Variants in RBFOX1 observed in about 807,000 individuals in gnomAD.
RBFOX1 encodes RNA binding fox-1 homolog 1, also known as RNA binding protein fox-1 homolog 1.
Under a neutral mutation model 57.7 loss-of-function variants are expected in RBFOX1, and 8 were observed. The observed-to-expected ratio is 0.14, with a 90% CI of 0.08 to 0.25. RBFOX1 has a LOEUF of 0.25. Ranked by LOEUF, RBFOX1 falls within the 10% of genes least tolerant of loss-of-function variation. RBFOX1 has a pLI of 1.00. For missense variants in RBFOX1, 611 were observed against 548.5 expected (o/e 1.11, Z -1.14); for synonymous variants, 326 against 222.4 (o/e 1.47, Z -4.15).
At chr16:7,454,188 A>T (rs1247824633) in intron 4 of RBFOX1, among the ~76,000 whole-genome samples, 1 of 152,182 alleles carries the variant, frequency 6.6e-6, no homozygotes, top group Non-Finnish European at 1.5e-5. Context: ...AGCCGAAATC[A>T]TGCCACGGCA....
At chr16:5,559,894 C>T (rs571480767) in intron 2 of RBFOX1, among the ~76,000 whole-genome samples, 15 of 123,924 alleles carry the variant, frequency 1.2e-4, no homozygotes, top group African/African-American at 3.9e-4. Context: ...CTCCAGCCAT[C>T]CTGAGATCCT....
At chr16:7,232,965 CT>C (rs2093585659) in intron 4 of RBFOX1, among the ~76,000 whole-genome samples, 1 of 151,874 alleles carries the variant, frequency 6.6e-6, no homozygotes, top group Admixed American at 6.6e-5. Context: ...ACTTGTTCTT[CT>C]TTCCCTCTCC....
intron 1 of RBFOX1, among the ~76,000 whole-genome samples, chr16:5,431,273 C>T (rs1007090534): frequency 5.3e-5 from 8 of 152,148 alleles, no homozygotes; most frequent in African/African-American, 1.9e-4. Flanking sequence ...CTTCTTTTTG[C>T]GCATGTGAAA....
At chr16:5,791,353 T>G (rs2054689287) in intron 3 of RBFOX1, among the ~76,000 whole-genome samples, 1 of 152,216 alleles carries the variant, frequency 6.6e-6, no homozygotes, top group African/African-American at 2.4e-5. Context: ...AGACATCATT[T>G]GTTGAGTGAT....
chr16:6,933,525 C>A (rs753747118), intron 3 of RBFOX1, among the ~76,000 whole-genome samples: 1 of 152,188 alleles, frequency 6.6e-6, no homozygotes, highest in East Asian at 1.9e-4. Flanking sequence ...CCAGCCTGAC[C>A]AGCATGGTGA....
intron 11 of RBFOX1, among the ~76,000 whole-genome samples, chr16:7,651,541 G>A (rs1254423586): frequency 6.6e-6 from 1 of 152,174 alleles, no homozygotes; most frequent in African/African-American, 2.4e-5. Flanking sequence ...CTGGGTCCAT[G>A]CATCAGTGTA....
At chr16:6,060,332 C>T (rs1486789017) in intron 1 of RBFOX1, among the ~76,000 whole-genome samples, 1 of 151,894 alleles carries the variant, frequency 6.6e-6, no homozygotes, top group South Asian at 2.1e-4. Context: ...CAGATACTGT[C>T]TAAGTCTTAC....
chr16:6,533,884 C>G (rs934911602), intron 2 of RBFOX1, among the ~76,000 whole-genome samples: 6 of 151,898 alleles, frequency 4.0e-5, no homozygotes, highest in African/African-American at 1.2e-4. Flanking sequence ...CAGACTTCCT[C>G]AAAATTAAAA....
intron 1 of RBFOX1, among the ~76,000 whole-genome samples, chr16:6,221,059 C>T (rs185789006): frequency 6.6e-6 from 1 of 152,090 alleles, no homozygotes; most frequent in African/African-American, 2.4e-5. Flanking sequence ...CTAAATAATG[C>T]CCCAACGGGT....
intron 4 of RBFOX1, among the ~76,000 whole-genome samples, chr16:7,070,175 G>A (rs1375758066): frequency 6.6e-6 from 1 of 152,128 alleles, no homozygotes; most frequent in Non-Finnish European, 1.5e-5. Context: ...CTTGAGTTTG[G>A]CTCACTGAGC....
intron 2 of RBFOX1, among the ~76,000 whole-genome samples, chr16:6,361,327 G>A (rs2152868885): frequency 6.6e-6 from 1 of 152,188 alleles, no homozygotes; most frequent in East Asian, 1.9e-4. Context: ...TTGAGAAGGT[G>A]CTGAGAAAAG....
Position 6,451,756 on chromosome 16 carries a change from G to C in RBFOX1, c.-64+134699G>C, listed in dbSNP as rs1483518345. Among the ~76,000 whole-genome samples the C allele has an allele frequency of 2.6e-5, 4 of 152,266 alleles. No individual in the cohort carries two copies. In the East Asian group the frequency reaches 7.7e-4, roughly 29 times the overall value. On this transcript the variant is annotated intron_variant, in intron 2 of 15. Coordinates refer to ENST00000550418, the MANE Select transcript of RBFOX1 (RefSeq NM_018723.4). ...ACAGACAGAGCACATACAGTATTATGAGCAACTTTTGGCCCTGTGCTGCTC... is the reference window on the plus strand; with the variant it reads ...ACAGACAGAGCACATACAGTATTATCAGCAACTTTTGGCCCTGTGCTGCTC...
intron 4 of RBFOX1, among the ~76,000 whole-genome samples, chr16:7,235,569 G>A (rs2093725420): frequency 6.6e-6 from 1 of 152,172 alleles, no homozygotes; most frequent in Non-Finnish European, 1.5e-5. Context: ...TGTTGTGATG[G>A]AAAGGCAGTG....
At chr16:6,442,776 C>G (rs1412356297) in intron 2 of RBFOX1, among the ~76,000 whole-genome samples, 2 of 152,176 alleles carry the variant, frequency 1.3e-5, no homozygotes, top group Non-Finnish European at 2.9e-5. Flanking sequence ...TTCTCTTGTC[C>G]TGCCGTCATT....
intron 3 of RBFOX1, among the ~76,000 whole-genome samples, chr16:6,716,169 A>G (rs984128377): frequency 2.6e-5 from 4 of 152,370 alleles, no homozygotes; most frequent in African/African-American, 9.6e-5. Flanking sequence ...TATTTGTAAA[A>G]TAGAGGGTTA....
At chr16:6,839,097 G>T (rs137935976) in intron 3 of RBFOX1, among the ~76,000 whole-genome samples, 6 of 151,624 alleles carry the variant, frequency 4.0e-5, no homozygotes, top group Non-Finnish European at 7.4e-5. Flanking sequence ...TGATTCTCCC[G>T]CCTCAGCCTC....
intron 1 of RBFOX1, among the ~76,000 whole-genome samples, chr16:5,464,553 C>A (rs2151603965): frequency 6.6e-6 from 1 of 152,314 alleles, no homozygotes; most frequent in South Asian, 2.1e-4. Flanking sequence ...TGCATCATCT[C>A]CTTCTCCTTC....
intron 1 of RBFOX1, among the ~76,000 whole-genome samples, chr16:6,217,955 G>T (rs1331979347): frequency 6.6e-6 from 1 of 152,222 alleles, no homozygotes; most frequent in African/African-American, 2.4e-5. Flanking sequence ...GGTGGAGGTT[G>T]TAGTGAGCTG....
chr16:6,381,136 T>A (rs1275837193), intron 2 of RBFOX1, among the ~76,000 whole-genome samples: 1 of 152,190 alleles, frequency 6.6e-6, no homozygotes, highest in Non-Finnish European at 1.5e-5. Context: ...GTCTGAGAGC[T>A]GGAGAAGAAG....
Sources: allele counts gnomAD v4.1 joint callset (sites outside exome capture counted in the v4.1 genomes callset), GRCh38; gene constraint gnomAD v4.1.1; transcripts MANE v1.5; gene names NCBI Gene and HGNC (gene_info 2026-07-23, HGNC 2026-07-21).